EPHA10: variants seen among roughly 807,000 people sequenced by gnomAD.
EPHA10 encodes the protein EPH receptor A10.
Under a neutral mutation model 109.7 loss-of-function variants are expected in EPHA10, and 120 were observed. The ratio of observed to expected loss-of-function variants is 1.09; its 90% CI spans 0.94 to 1.27. The LOEUF (loss-of-function observed/expected upper bound fraction) is 1.27. Among genes scored for constraint, EPHA10 ranks in the 50% most tolerant of loss-of-function variants. EPHA10 has a pLI of 0.00. For missense variants in EPHA10, 1,396 were observed against 1,411.1 expected (o/e 0.99, Z 0.17); for synonymous variants, 640 against 618.9 (o/e 1.03, Z -0.51).
intron 3 of EPHA10, among the ~76,000 whole-genome samples, chr1:37,759,177 G>A (rs1444585474): frequency 6.6e-6 from 1 of 152,160 alleles, no homozygotes; most frequent in Non-Finnish European, 1.5e-5. Flanking sequence ...GAGCATGTCA[G>A]ATCCCTGCTT....
At chr1:37,721,031 G>A (rs969316161) in intron 11 of EPHA10, among the ~76,000 whole-genome samples, 187 bp from the exon 12 acceptor site, 1 of 152,088 alleles carries the variant, frequency 6.6e-6, no homozygotes, top group Non-Finnish European at 1.5e-5. Flanking sequence ...GACATCTGTA[G>A]GTGAACAAAG....
rs535642034 is a variant in EPHA10, at chr1:37,721,376, C to T, written c.2146+284G>A. On this transcript the variant is annotated intron_variant, in intron 11 of 16. Coordinates refer to ENST00000373048, the MANE Select transcript of EPHA10 (RefSeq NM_001099439.2). ...CCAGGAGGCAGAGCTTGCAGTGAGC[C>T]GAGATCTCACCACTGCACTCTAGCC... Among the ~76,000 whole-genome samples, 8 of 147,018 alleles carry T rather than the reference C, an allele frequency of 5.4e-5. No individual in the cohort carries two copies. The East Asian group carries it at 1.2e-3, about 22-fold the overall frequency.
At chr1:37,714,711 AAG>A (rs1415020980), downstream of EPHA10, 1 of 152,262 alleles carries the variant, frequency 6.6e-6, no homozygotes, top group East Asian at 1.9e-4. Flanking sequence ...CATCCATAAA[AAG>A]GGGAAATTTG....
rs989550815 is a variant in EPHA10 at position 37,761,631 on chromosome 1, G to C, written c.624C>G (p.Tyr208Ter). The change falls in exon 3 of 17, where the codon TAC becomes TAG. Residue 208 changes from tyrosine (Y) to a stop codon, truncating the protein, a stop_gained. Coordinates refer to ENST00000373048, the MANE Select transcript of EPHA10 (RefSeq NM_001099439.2). LOFTEE classifies it high-confidence loss of function. ...CVALVSVRVY[Y>*]KQCRATVRGL... Reference sequence around the variant, plus strand: ...CCCGCACGGTGGCGCGGCACTGCTTGTAGTAGACGCGCACCGAGACAAGCG... The same window carrying C: ...CCCGCACGGTGGCGCGGCACTGCTTCTAGTAGACGCGCACCGAGACAAGCG... 1.9e-6 allele frequency: 3 copies of C among 1,605,126 alleles called. No homozygotes were observed. Among genetic ancestry groups the C allele is most frequent in the Non-Finnish European group, 2.5e-6 (3 of 1,179,690 alleles).
At chr1:37,761,330 C>T (rs768547604) in intron 3 of EPHA10, 75 bp downstream of exon 3, 50 of 1,570,016 alleles carry the variant, frequency 3.2e-5, no homozygotes, top group Non-Finnish European at 3.9e-5. Flanking sequence ...CGCCTCTTTC[C>T]TCTAGGGCAC....
rs765204480 is a variant in EPHA10, at chr1:37,719,908, C to T, written c.2562+1G>A. 13 of 1,613,974 alleles carry T rather than the reference C, an allele frequency of 8.1e-6. No individual in the cohort carries two copies. The highest frequency in any genetic ancestry group is 3.3e-5 in the Admixed American group (2 of 60,026). Reference sequence around the variant, plus strand: ...TGCAGCTGGAGCCACGGGTTACTCACGTCTTGGCCAGACATGTCCCAGTAA... The same window carrying T: ...TGCAGCTGGAGCCACGGGTTACTCATGTCTTGGCCAGACATGTCCCAGTAA... On this transcript the variant is annotated splice_donor_variant, in intron 14 of 16. Coordinates refer to ENST00000373048, the MANE Select transcript of EPHA10 (RefSeq NM_001099439.2). LOFTEE classifies it high-confidence loss of function.
chr1:37,763,383 T>C (rs591321), intron 1 of EPHA10, among the ~76,000 whole-genome samples: 111,246 of 152,118 alleles, frequency 0.73, 41,182 homozygotes, highest in African/African-American at 0.85. Flanking sequence ...GCACCCCTCA[T>C]ACAAGGACCA....
At chr1:37,726,289 C>A (rs1278902637) in intron 8 of EPHA10, among the ~76,000 whole-genome samples, 1 of 152,216 alleles carries the variant, frequency 6.6e-6, no homozygotes, top group African/African-American at 2.4e-5. Context: ...CTGGTCCAGG[C>A]AGAGCTGGCT....
At position 37,721,837 on chromosome 1, in the gene EPHA10, CAAACCGCCCTGTGGGGA is replaced by C; in HGVS notation, c.1961-9_1968del. ...TGCAAGCAGCCACAGCACAGCTCCC[CAAACCGCCCTGTGGGGA>C]AACAGCACCTCAGATACCGCCAGAG... On this transcript the variant is annotated splice_acceptor_variant and splice_polypyrimidine_tract_variant and coding_sequence_variant and intron_variant, in exon 11 of 17. Transcript: ENST00000373048. LOFTEE classifies it high-confidence loss of function. 6.3e-7 allele frequency: 1 copy of C among 1,593,698 alleles called. No individual in the cohort carries two copies. The highest frequency in any genetic ancestry group is 8.6e-7 in the Non-Finnish European group (1 of 1,168,472).
At chr1:37,737,186 C>T (rs1289388664) in intron 5 of EPHA10, among the ~76,000 whole-genome samples, 2 of 152,090 alleles carry the variant, frequency 1.3e-5, no homozygotes, top group Non-Finnish European at 2.9e-5. Context: ...CAGTGGCTCA[C>T]ACCTGTAATC....
At position 37,721,651 on chromosome 1, in the gene EPHA10, G is replaced by A. The variant is rs200150568; in HGVS notation, c.2146+9C>T. ...GGCTGGGCAGCAGGAAGGGAGCACC[G>A]GGCCCTACCTCGGGTAACAACGCCC... On this transcript the variant is annotated intron_variant, in intron 11 of 16. Transcript: ENST00000373048. The A allele has an allele frequency of 7.6e-5, 122 of 1,596,470 alleles. No individual in the cohort carries two copies. The highest frequency in any genetic ancestry group is 5.6e-4 in the African/African-American group (42 of 74,502).
At chr1:37,731,763 C>T (rs1645987709) in intron 6 of EPHA10, among the ~76,000 whole-genome samples, 181 bp from the exon 7 acceptor site, 1 of 152,212 alleles carries the variant, frequency 6.6e-6, no homozygotes, top group Non-Finnish European at 1.5e-5. Flanking sequence ...TCCTTAGCCC[C>T]TGTCTTCACC....
chr1:37,742,389 T>G (rs1238023514), intron 5 of EPHA10, among the ~76,000 whole-genome samples: 1 of 152,230 alleles, frequency 6.6e-6, no homozygotes, highest in Non-Finnish European at 1.5e-5. Flanking sequence ...GGGTTGGGCT[T>G]ACAATCCAGT....
At chr1:37,755,307 G>T (rs1174780640) in intron 3 of EPHA10, among the ~76,000 whole-genome samples, 1 of 149,504 alleles carries the variant, frequency 6.7e-6, no homozygotes, top group African/African-American at 2.5e-5. Context: ...GTTACGCAGG[G>T]ACAGACACAC....
intron 8 of EPHA10, among the ~76,000 whole-genome samples, chr1:37,724,455 T>C (rs963180648): frequency 6.6e-6 from 1 of 151,962 alleles, no homozygotes; most frequent in Non-Finnish European, 1.5e-5. Flanking sequence ...GGATGGAGTC[T>C]GAGAAGAGGG....
At chr1:37,735,651 C>T (rs1646059006) in intron 5 of EPHA10, among the ~76,000 whole-genome samples, 1 of 151,992 alleles carries the variant, frequency 6.6e-6, no homozygotes, top group Non-Finnish European at 1.5e-5. Flanking sequence ...AGCATTAGGC[C>T]TTCTGCTGCT....
rs1231144183 is a variant in EPHA10 at position 37,761,487 on chromosome 1, G to T, written c.768C>A (p.Cys256Ter). Residue 256 changes from cysteine to a stop codon, truncating the protein, a stop_gained, in exon 3 of 17, where the codon TGC becomes TGA. Transcript: ENST00000373048. LOFTEE classifies it high-confidence loss of function. Reference protein sequence around the residue: ...GEPGSPPRMHCGADGEWLVPV... With the variant: ...GEPGSPPRMH The stretch of plus-strand genomic sequence containing the variant: ...GCACCAGCCACTCGCCGTCGGCGCC[G>T]CAGTGCATGCGTGGGGGGCTGCCAG... 4 of 1,600,380 alleles carry T rather than the reference G, an allele frequency of 2.5e-6. 1 individual carries two copies. In the Admixed American group the frequency reaches 6.7e-5, roughly 27 times the overall value.
rs1226530953 is a variant in EPHA10 at position 37,720,794 on chromosome 1, C to T, written c.2197G>A (p.Gly733Ser). ...CCAGGGCCACTCACCCTGAGGAAGC[C>T]GTCCAGGGCCCCATGGCTCATGTAC... ...TEYMSHGALD[G>S]FLRRHEGQLV... Residue 733 changes from glycine (G) to serine (S), a missense_variant, in exon 12 of 17, where the codon GGC becomes AGC. Gly to Ser is a moderately conservative substitution (Grantham distance 56, BLOSUM62 0). Transcript: ENST00000373048. 2.5e-6 allele frequency: 4 copies of T among 1,613,952 alleles called. No homozygotes were observed. The highest frequency in any genetic ancestry group is 2.5e-6 in the Non-Finnish European group (3 of 1,180,018).
intron 3 of EPHA10, 163 bp downstream of exon 3, chr1:37,761,242 T>C: frequency 5.3e-6 from 8 of 1,499,892 alleles, no homozygotes; most frequent in East Asian, 4.6e-5. Flanking sequence ...CTGGACTCAC[T>C]GGAAACTCCA....
Sources: allele counts gnomAD v4.1 joint callset (sites outside exome capture counted in the v4.1 genomes callset), GRCh38; gene constraint gnomAD v4.1.1; transcripts MANE v1.5; gene names NCBI Gene and HGNC (gene_info 2026-07-23, HGNC 2026-07-21).